Variants in NBEA observed in about 807,000 individuals in gnomAD.
NBEA encodes neurobeachin.
In NBEA, 44 loss-of-function variants were observed where a neutral mutation model predicts 343.4. The observed-to-expected ratio is 0.13, with a 90% CI of 0.10 to 0.16. The LOEUF (loss-of-function observed/expected upper bound fraction) is 0.16, where lower values mean the gene tolerates loss of function less well. NBEA is among the 10% of genes least tolerant of loss of function. NBEA has a pLI of 1.00. For missense variants in NBEA, 2,555 were observed against 3,631.3 expected, an observed-to-expected ratio of 0.70 and a Z score of 7.62; for synonymous variants, 1,175 against 1,238.7, an observed-to-expected ratio of 0.95 and a Z score of 1.08.
At chr13:35,180,201 C>T (rs1053829167) in intron 28 of NBEA, among the ~76,000 whole-genome samples, 14 of 151,644 alleles carry the variant, frequency 9.2e-5, no homozygotes, top group African/African-American at 3.4e-4. Context: ...TGCTTGTTTT[C>T]CTTATTTCTT....
intron 35 of NBEA, among the ~76,000 whole-genome samples, chr13:35,295,911 G>A (rs978019382): frequency 5.9e-5 from 9 of 152,068 alleles, no homozygotes; most frequent in Non-Finnish European, 1.3e-4. Context: ...AGAGAAGTTA[G>A]CAGGTATAAG....
intron 41 of NBEA, among the ~76,000 whole-genome samples, chr13:35,485,638 G>A (rs967985551): frequency 6.6e-6 from 1 of 152,032 alleles, no homozygotes; most frequent in Non-Finnish European, 1.5e-5. Context: ...CACCCTGGGT[G>A]CCAGCTGTCA....
intron 46 of NBEA, among the ~76,000 whole-genome samples, chr13:35,591,970 A>G (rs2081560792): frequency 6.6e-6 from 1 of 152,106 alleles, no homozygotes; most frequent in Non-Finnish European, 1.5e-5. Flanking sequence ...GGAAATATGT[A>G]TCTATCTTTG....
intron 1 of NBEA, among the ~76,000 whole-genome samples, chr13:34,960,059 C>T (rs1178951001): frequency 6.6e-6 from 1 of 151,962 alleles, no homozygotes; most frequent in African/African-American, 2.4e-5. Flanking sequence ...CAGAAGAAGG[C>T]ATTGTTATGA....
chr13:35,027,178 T>C (rs572393707), intron 1 of NBEA, among the ~76,000 whole-genome samples: 22 of 152,220 alleles, frequency 1.4e-4, no homozygotes, highest in African/African-American at 5.3e-4. Context: ...GTTTCTACTT[T>C]ATGGCTATTA....
At chr13:35,335,368 A>G (rs1247086015) in intron 36 of NBEA, among the ~76,000 whole-genome samples, 2 of 151,968 alleles carry the variant, frequency 1.3e-5, no homozygotes, top group Non-Finnish European at 2.9e-5. Context: ...GCTTTTTTCT[A>G]TTTCTGTGAA....
intron 2 of NBEA, 47 bp downstream of exon 2, chr13:35,041,211 T>G: frequency 1.2e-5 from 16 of 1,390,248 alleles, no homozygotes; most frequent in Non-Finnish European, 1.5e-5. Context: ...GTTTATAAAG[T>G]TTCACATACT....
At chr13:35,445,714 C>G in intron 39 of NBEA, among the ~76,000 whole-genome samples, 1 of 146,508 alleles carries the variant, frequency 6.8e-6, no homozygotes, top group Admixed American at 6.9e-5. Context: ...TAGAGAATCC[C>G]TAAAATAAAA....
chr13:35,269,955 G>A (rs2033998308), intron 34 of NBEA, among the ~76,000 whole-genome samples: 1 of 152,118 alleles, frequency 6.6e-6, no homozygotes, highest in Non-Finnish European at 1.5e-5. Flanking sequence ...TGAGGGAAAT[G>A]TAAATGGAAT....
Position 35,585,873 on chromosome 13 carries a change from C to T in NBEA, c.7176+1835C>T, listed in dbSNP as rs118054731. ...TCCACAGATTCTACCAACTAAATAT[C>T]TCTATCTCCTTTTCTGTATACTGTG... is the stretch of plus-strand genomic sequence containing the variant. On this transcript the variant is annotated intron_variant, in intron 46 of 58. Transcript: ENST00000379939. 7.7e-3 allele frequency among the ~76,000 whole-genome samples: 1,173 copies of T among 152,250 alleles called. 52 individuals are homozygous for T. The highest frequency in any genetic ancestry group is 0.06 in the Admixed American group (909 of 15,272).
chr13:35,424,218 G>A (rs2044494710), intron 38 of NBEA, among the ~76,000 whole-genome samples: 1 of 152,106 alleles, frequency 6.6e-6, no homozygotes, highest in South Asian at 2.1e-4. Flanking sequence ...GGGCATCCCT[G>A]TCTTGTGCCA....
At chr13:35,539,771 C>A (rs1390454191) in intron 41 of NBEA, among the ~76,000 whole-genome samples, 1 of 151,262 alleles carries the variant, frequency 6.6e-6, no homozygotes, top group African/African-American at 2.4e-5. Flanking sequence ...AAAAAATTAG[C>A]CGGGCGTGGT....
At chr13:35,274,723 A>G (rs1380874348) in intron 34 of NBEA, among the ~76,000 whole-genome samples, 1 of 151,946 alleles carries the variant, frequency 6.6e-6, no homozygotes, top group East Asian at 1.9e-4. Flanking sequence ...CCAGTAATAG[A>G]GAGCCAAATT....
chr13:35,244,290 T>A (rs1330439851), intron 34 of NBEA, among the ~76,000 whole-genome samples: 1 of 152,010 alleles, frequency 6.6e-6, no homozygotes, highest in South Asian at 2.1e-4. Flanking sequence ...AATATTTTTT[T>A]ATAAGGTGAG....
chr13:35,019,281 C>T (rs753805946), intron 1 of NBEA, among the ~76,000 whole-genome samples: 5 of 151,004 alleles, frequency 3.3e-5, no homozygotes, highest in Non-Finnish European at 7.4e-5. Flanking sequence ...ATGTTCCTTT[C>T]ATTAAATTTT....
intron 39 of NBEA, among the ~76,000 whole-genome samples, chr13:35,440,699 G>A (rs1478069411): frequency 6.6e-6 from 1 of 152,184 alleles, no homozygotes; most frequent in Non-Finnish European, 1.5e-5. Flanking sequence ...GAAGGGGATT[G>A]TCGTTAAACA....
intron 35 of NBEA, among the ~76,000 whole-genome samples, chr13:35,292,056 A>G (rs544219541): frequency 2.0e-5 from 3 of 152,074 alleles, no homozygotes; most frequent in South Asian, 2.1e-4. Flanking sequence ...ATAGCTCCCA[A>G]TTGTTTTTGT....
At chr13:35,161,330 A>G (rs887035414) in intron 22 of NBEA, among the ~76,000 whole-genome samples, 1 of 152,162 alleles carries the variant, frequency 6.6e-6, no homozygotes, top group Non-Finnish European at 1.5e-5. Flanking sequence ...TTAACTTGAA[A>G]CTGTCAAGTA....
intron 18 of NBEA, among the ~76,000 whole-genome samples, chr13:35,149,390 A>AT (rs1209236292): frequency 1.3e-5 from 2 of 151,906 alleles, no homozygotes; most frequent in Non-Finnish European, 1.5e-5. Context: ...TGATAATGGT[A>AT]TTTTTTTTGC....
Sources: allele counts gnomAD v4.1 joint callset (sites outside exome capture counted in the v4.1 genomes callset), GRCh38; gene constraint gnomAD v4.1.1; transcripts MANE v1.5; gene names NCBI Gene and HGNC (gene_info 2026-07-23, HGNC 2026-07-21).